Variants in SLC24A3 observed in about 807,000 individuals in gnomAD.
SLC24A3 encodes the protein solute carrier family 24 member 3, also known as sodium/potassium/calcium exchanger 3.
Under a neutral mutation model 75.8 loss-of-function variants are expected in SLC24A3, and 28 were observed. The ratio of observed to expected loss-of-function variants is 0.37; its 90% CI spans 0.27 to 0.51. The LOEUF (loss-of-function observed/expected upper bound fraction) is 0.51, where lower values mean the gene tolerates loss of function less well. Among genes scored for constraint, SLC24A3 ranks in the 20% least tolerant of loss-of-function variants. The probability of loss-of-function intolerance (pLI) is 0.94; values close to 1 mark genes in which losing one functional copy is unlikely to be tolerated. For missense variants in SLC24A3, 663 were observed against 847.8 expected, an observed-to-expected ratio of 0.78 and a Z score of 2.71; for synonymous variants, 372 against 334.1, an observed-to-expected ratio of 1.11 and a Z score of -1.24.
intron 1 of SLC24A3, among the ~76,000 whole-genome samples, chr20:19,272,790 A>G (rs1238761410): frequency 6.6e-6 from 1 of 152,164 alleles, no homozygotes; most frequent in Non-Finnish European, 1.5e-5. Context: ...CTGGGACACA[A>G]TGGCTACAGC....
At chr20:19,315,881 T>C (rs182277267) in intron 2 of SLC24A3, among the ~76,000 whole-genome samples, 3 of 152,340 alleles carry the variant, frequency 2.0e-5, no homozygotes, top group Admixed American at 2.0e-4. Context: ...ATTTAATACA[T>C]CTAACCTAGC....
intron 3 of SLC24A3, among the ~76,000 whole-genome samples, chr20:19,573,563 A>C (rs891039990): frequency 6.6e-6 from 1 of 152,214 alleles, no homozygotes; most frequent in African/African-American, 2.4e-5. Flanking sequence ...CTTTCCTCAC[A>C]TAGTTAGAAA....
intron 3 of SLC24A3, among the ~76,000 whole-genome samples, chr20:19,544,023 A>C (rs773316130): frequency 7.2e-5 from 11 of 152,216 alleles, no homozygotes; most frequent in Non-Finnish European, 7.3e-5. Context: ...TGATGTTTAC[A>C]GGTCCCACCA....
rs868409423 is a variant in SLC24A3, at chr20:19,654,662, T to A, written c.687+526T>A. ...AATCCTTTTTTTTTTTTTTTTTTTT[T>A]TTTGAGATAGAGTCTCACTCTGTTG... On this transcript the variant is annotated intron_variant, in intron 7 of 16. Coordinates refer to ENST00000328041, the MANE Select transcript of SLC24A3 (RefSeq NM_020689.4). Among the ~76,000 whole-genome samples, 701 of 148,774 alleles carry A rather than the reference T, an allele frequency of 4.7e-3. 2 individuals carry two copies. The highest frequency in any genetic ancestry group is 0.016 in the African/African-American group (661 of 40,140).
intron 2 of SLC24A3, among the ~76,000 whole-genome samples, chr20:19,388,426 C>G (rs1256859180): frequency 6.6e-5 from 10 of 152,120 alleles, no homozygotes; most frequent in Non-Finnish European, 5.9e-5. Flanking sequence ...GTATAGCTAT[C>G]CTCAGCCTGG....
chr20:19,491,555 T>C (rs1226186275), intron 2 of SLC24A3, among the ~76,000 whole-genome samples: 1 of 152,154 alleles, frequency 6.6e-6, no homozygotes, highest in African/African-American at 2.4e-5. Flanking sequence ...CCAGGCTCTG[T>C]CACCCCAGGC....
At chr20:19,465,762 T>C (rs1987754640) in intron 2 of SLC24A3, among the ~76,000 whole-genome samples, 2 of 152,202 alleles carry the variant, frequency 1.3e-5, no homozygotes, top group Admixed American at 6.5e-5. Flanking sequence ...AGTTCCTCTC[T>C]GTGATGTAAT....
At chr20:19,692,668 A>G (rs1341578605) in intron 12 of SLC24A3, among the ~76,000 whole-genome samples, 1 of 152,190 alleles carries the variant, frequency 6.6e-6, no homozygotes, top group Admixed American at 6.5e-5. Context: ...AATACATGGA[A>G]ATATGTATGC....
chr20:19,720,878 GC>G, intron 16 of SLC24A3, 112 bp from the exon 17 acceptor site: 1 of 1,216,270 alleles, frequency 8.2e-7, no homozygotes, highest in Non-Finnish European at 1.1e-6. Flanking sequence ...TCAGCACCCT[GC>G]CCGAGGCCCA....
chr20:19,427,643 G>C (rs1047046428), intron 2 of SLC24A3, among the ~76,000 whole-genome samples: 9 of 152,150 alleles, frequency 5.9e-5, no homozygotes, highest in African/African-American at 1.9e-4. Context: ...TCCCACTGCC[G>C]TGCCTCTGCC....
At chr20:19,650,863 C>CT (rs2032194879) in intron 6 of SLC24A3, among the ~76,000 whole-genome samples, 1 of 152,126 alleles carries the variant, frequency 6.6e-6, no homozygotes, top group African/African-American at 2.4e-5. Context: ...ATTCTTAGAG[C>CT]TCTCCAATCT....
intron 1 of SLC24A3, among the ~76,000 whole-genome samples, chr20:19,214,276 G>A (rs1411446988): frequency 6.6e-6 from 1 of 152,088 alleles, no homozygotes; most frequent in African/African-American, 2.4e-5. Context: ...TGCTCTCCTG[G>A]ATCTCAGATC....
intron 6 of SLC24A3, among the ~76,000 whole-genome samples, chr20:19,653,524 A>G (rs1474513536): frequency 1.3e-5 from 2 of 152,232 alleles, no homozygotes; most frequent in African/African-American, 4.8e-5. Context: ...AGCCCAGCAC[A>G]TGTTGCTCAC....
chr20:19,325,749 TGTGTATAC>T (rs1203437917), intron 2 of SLC24A3, among the ~76,000 whole-genome samples: 10 of 117,728 alleles, frequency 8.5e-5, no homozygotes, highest in African/African-American at 4.4e-4. Flanking sequence ...TGTGTGTGTG[TGTGTATAC>T]ATACATACAT....
chr20:19,588,944 C>A (rs1005072338), intron 6 of SLC24A3, among the ~76,000 whole-genome samples: 1 of 152,254 alleles, frequency 6.6e-6, no homozygotes, highest in East Asian at 1.9e-4. Flanking sequence ...AACATCAGCC[C>A]TACTGGCATG....
At chr20:19,436,174 C>G (rs1489845332) in intron 2 of SLC24A3, among the ~76,000 whole-genome samples, 1 of 152,166 alleles carries the variant, frequency 6.6e-6, no homozygotes, top group Non-Finnish European at 1.5e-5. Context: ...GTTTTCATAT[C>G]CTATACTAAT....
At position 19,346,184 on chromosome 20, in the gene SLC24A3, GTGTATA is replaced by G. The variant is rs1985408809; in HGVS notation, c.271+65099_271+65104del. On this transcript the variant is annotated intron_variant, in intron 2 of 16. Transcript: ENST00000328041. ...TGTATATATATGGTATATATATATG[GTGTATA>G]TATATATATGGTATATATATATGGT... is the stretch of plus-strand genomic sequence containing the variant. 2.1e-4 allele frequency among the ~76,000 whole-genome samples: 19 copies of G among 88,960 alleles called. 1 individual carries two copies. The highest frequency in any genetic ancestry group is 1.0e-3 in the African/African-American group (19 of 18,942). 58.4% of individuals were successfully genotyped at this position (88,960 alleles called of 152,430 possible).
intron 6 of SLC24A3, among the ~76,000 whole-genome samples, chr20:19,602,113 G>T (rs139019495): frequency 0.022 from 3,423 of 152,214 alleles, 127 homozygotes; most frequent in African/African-American, 0.079. Context: ...GGTGGAAGTT[G>T]CAGTGAGCCG....
intron 2 of SLC24A3, among the ~76,000 whole-genome samples, chr20:19,357,721 G>A (rs1310552237): frequency 6.6e-6 from 1 of 152,178 alleles, no homozygotes; most frequent in Non-Finnish European, 1.5e-5. Context: ...TGTCCGCTAA[G>A]TATCTCCTGC....
Sources: gnomAD v4.1 joint callset for allele counts (sites outside exome capture counted in the v4.1 genomes callset) on GRCh38, gnomAD v4.1.1 for gene constraint, MANE v1.5 for transcripts, NCBI Gene and HGNC (gene_info 2026-07-23, HGNC 2026-07-21) for gene names.